DRC11: variants seen among roughly 807,000 people sequenced by gnomAD.
The protein encoded by DRC11 is IQ and AAA domain-containing protein 1.
At chr2:236,389,524 C>T in the DRC11 span, among the ~76,000 whole-genome samples, 26 of 152,190 alleles carry the variant, frequency 1.7e-4, no homozygotes, top group South Asian at 1.0e-3. Flanking sequence ...CTTCGGCTCG[C>T]GACCGGTGCG....
chr2:236,400,372 C>T, the DRC11 span, among the ~76,000 whole-genome samples: 1,888 of 152,264 alleles, frequency 0.012, 24 homozygotes, highest in Non-Finnish European at 0.018. The surrounding 1 kb of genome is among the most constrained non-coding windows in gnomAD (Gnocchi z 7.9). Context: ...CGGTGCTACC[C>T]GCCGCCAGCC....
At chr2:236,340,424 C>T in the DRC11 span, among the ~76,000 whole-genome samples, 3 of 152,158 alleles carry the variant, frequency 2.0e-5, no homozygotes, top group Admixed American at 6.5e-5. Context: ...GTGCCTGGCC[C>T]TAAGAACTTT....
chr2:236,428,342 CCTA>C, the DRC11 span, among the ~76,000 whole-genome samples: 1 of 151,908 alleles, frequency 6.6e-6, no homozygotes, highest in Non-Finnish European at 1.5e-5. Context: ...ACTGAAATTC[CCTA>C]CTATTATTGT....
the DRC11 span, among the ~76,000 whole-genome samples, chr2:236,495,069 G>A: frequency 4.6e-5 from 7 of 152,198 alleles, no homozygotes; most frequent in African/African-American, 1.7e-4. This position sits in a 1 kb window ranked among gnomAD's most constrained non-coding sequence, Gnocchi z 5.6. Flanking sequence ...GCAGGCAGGC[G>A]TGGTGGCTCA....
chr2:236,477,577 TCTC>T, the DRC11 span, among the ~76,000 whole-genome samples: 2 of 152,132 alleles, frequency 1.3e-5, no homozygotes, highest in Admixed American at 1.3e-4. Context: ...GGTCTTTTCT[TCTC>T]CTTAATTTTT....
At chr2:236,405,501 GC>G in the DRC11 span, among the ~76,000 whole-genome samples, 4 of 151,896 alleles carry the variant, frequency 2.6e-5, no homozygotes, top group South Asian at 8.3e-4. This position sits in a 1 kb window ranked among gnomAD's most constrained non-coding sequence, Gnocchi z 4.6. Context: ...GACTTGACCT[GC>G]CCGGTCTCTG....
At chr2:236,419,061 A>T in the DRC11 span, 31 of 1,445,862 alleles carry the variant, frequency 2.1e-5, no homozygotes, top group Non-Finnish European at 2.7e-5. This position sits in a 1 kb window ranked among gnomAD's most constrained non-coding sequence, Gnocchi z 4.8. Context: ...CTCCCAACAG[A>T]TTTGTAAATA....
the DRC11 span, among the ~76,000 whole-genome samples, chr2:236,496,817 C>T: frequency 6.6e-6 from 1 of 152,178 alleles, no homozygotes; most frequent in Non-Finnish European, 1.5e-5. This position sits in a 1 kb window ranked among gnomAD's most constrained non-coding sequence, Gnocchi z 6.3. Context: ...GGAGCGGGCG[C>T]TGCTACTGGA....
chr2:236,337,652 A>G, the DRC11 span, among the ~76,000 whole-genome samples: 1 of 152,204 alleles, frequency 6.6e-6, no homozygotes. The surrounding 1 kb of genome is among the most constrained non-coding windows in gnomAD (Gnocchi z 4.9). Context: ...TTTGCCTCCC[A>G]GGGGCTCTTT....
the DRC11 span, chr2:236,368,182 C>T: frequency 6.5e-7 from 1 of 1,541,400 alleles, no homozygotes; most frequent in Non-Finnish European, 8.9e-7. Context: ...TCCGCGCACG[C>T]CGAGTCTTTA....
At chr2:236,471,247 G>A in the DRC11 span, among the ~76,000 whole-genome samples, 3 of 151,944 alleles carry the variant, frequency 2.0e-5, no homozygotes, top group Non-Finnish European at 4.4e-5. This position sits in a 1 kb window ranked among gnomAD's most constrained non-coding sequence, Gnocchi z 4.6. Flanking sequence ...CTTACTCTCC[G>A]TGCTTTGCTG....
chr2:236,454,912 A>G, the DRC11 span: 5 of 152,306 alleles, frequency 3.3e-5, no homozygotes, highest in African/African-American at 1.2e-4. The surrounding 1 kb of genome is among the most constrained non-coding windows in gnomAD (Gnocchi z 5.3). Flanking sequence ...CTGCTTTGTC[A>G]TCCGTAAAAT....
chr2:236,433,114 C>A, the DRC11 span, among the ~76,000 whole-genome samples: 21 of 152,038 alleles, frequency 1.4e-4, no homozygotes, highest in African/African-American at 4.8e-4. Context: ...CATTGATGTG[C>A]CTTTTTAGTC....
the DRC11 span, among the ~76,000 whole-genome samples, chr2:236,382,000 T>C: frequency 3.9e-5 from 6 of 152,194 alleles, no homozygotes; most frequent in African/African-American, 1.4e-4. This position sits in a 1 kb window ranked among gnomAD's most constrained non-coding sequence, Gnocchi z 5.8. Context: ...AATATTTCCT[T>C]TTAAAAATTG....
chr2:236,341,831 G>A, the DRC11 span, among the ~76,000 whole-genome samples: 10 of 152,290 alleles, frequency 6.6e-5, no homozygotes, highest in Admixed American at 5.9e-4. Flanking sequence ...CGCCTTCTGG[G>A]AGCCTTTGTT....
chr2:236,385,070 A>T, the DRC11 span, among the ~76,000 whole-genome samples: 1 of 151,772 alleles, frequency 6.6e-6, no homozygotes, highest in South Asian at 2.1e-4. Flanking sequence ...GTAGCCTTGT[A>T]GTATAGTTTG....
the DRC11 span, among the ~76,000 whole-genome samples, chr2:236,466,137 T>A: frequency 6.6e-6 from 1 of 152,204 alleles, no homozygotes; most frequent in Non-Finnish European, 1.5e-5. Flanking sequence ...TTTATGTAGT[T>A]TTGTTCATTC....
chr2:236,444,275 C>T, the DRC11 span, among the ~76,000 whole-genome samples: 1 of 152,196 alleles, frequency 6.6e-6, no homozygotes, highest in Non-Finnish European at 1.5e-5. Flanking sequence ...ATGCCTATGT[C>T]TTGAATGGTA....
chr2:236,325,952 AGCT>A, the DRC11 span, among the ~76,000 whole-genome samples: 1 of 152,200 alleles, frequency 6.6e-6, no homozygotes, highest in Non-Finnish European at 1.5e-5. This position sits in a 1 kb window ranked among gnomAD's most constrained non-coding sequence, Gnocchi z 4.4. Context: ...ATGCCAGTTT[AGCT>A]GGATACAAAT....
Sources: allele counts gnomAD v4.1 joint callset (sites outside exome capture counted in the v4.1 genomes callset), GRCh38; gene constraint gnomAD v4.1.1; non-coding constraint Gnocchi (gnomAD v3.1); transcripts MANE v1.5; gene names NCBI Gene and HGNC (gene_info 2026-07-23, HGNC 2026-07-21).